Variants in CALN1 observed in about 807,000 individuals in gnomAD.
CALN1 encodes calcium-binding protein 8.
In CALN1, 17 loss-of-function variants were observed where a neutral mutation model predicts 30.6. The observed-to-expected ratio is 0.56, with a 90% confidence interval of 0.38 to 0.83. CALN1 has a LOEUF of 0.83. Among genes scored for constraint, CALN1 ranks in the 40% least tolerant of loss-of-function variants. The pLI is 0.00. For missense variants in CALN1, 291 were observed against 354.9 expected (o/e 0.82, Z 1.45); for synonymous variants, 156 against 131.4 (o/e 1.19, Z -1.28).
chr7:72,180,331 C>T (rs146683984), intron 3 of CALN1, among the ~76,000 whole-genome samples: 25 of 152,286 alleles, frequency 1.6e-4, no homozygotes, highest in African/African-American at 6.0e-4. Context: ...TGACAACTAG[C>T]AGGTTCAGGG....
intron 6 of CALN1, among the ~76,000 whole-genome samples, chr7:71,808,759 T>C (rs535077199): frequency 1.8e-4 from 28 of 152,216 alleles, no homozygotes; most frequent in African/African-American, 6.7e-4. Context: ...TCTCCACCCA[T>C]CTCAAGAGTG....
chr7:72,386,440 T>C (rs952613231), intron 2 of CALN1, among the ~76,000 whole-genome samples: 4 of 152,200 alleles, frequency 2.6e-5, no homozygotes, highest in African/African-American at 9.7e-5. Context: ...GTTGATAAGG[T>C]TGTCTCCTAT....
intron 1 of CALN1, among the ~76,000 whole-genome samples, chr7:72,405,705 A>G (rs1432269892): frequency 1.3e-5 from 2 of 149,216 alleles, no homozygotes; most frequent in Non-Finnish European, 2.9e-5. Context: ...GTGTGTCATT[A>G]CAGTAGAAAC....
chr7:72,227,178 T>C (rs948902192), intron 3 of CALN1, among the ~76,000 whole-genome samples: 1 of 150,926 alleles, frequency 6.6e-6, no homozygotes, highest in Non-Finnish European at 1.5e-5. Flanking sequence ...TTCAGCATCA[T>C]GCAATATACC....
upstream of CALN1, among the ~76,000 whole-genome samples, chr7:72,412,666 C>T (rs1370610050): frequency 2.0e-5 from 3 of 152,340 alleles, no homozygotes; most frequent in Non-Finnish European, 4.4e-5. Flanking sequence ...CCCTTGTCCC[C>T]TCACCCTTCC....
intron 3 of CALN1, among the ~76,000 whole-genome samples, chr7:72,214,416 C>A (rs868643676): frequency 1.3e-5 from 2 of 151,892 alleles, no homozygotes; most frequent in Admixed American, 1.3e-4. Context: ...GAGGTGGAGG[C>A]TGCAGTGAGC....
chr7:72,226,639 G>T (rs7780171), intron 3 of CALN1, among the ~76,000 whole-genome samples: 16 of 152,182 alleles, frequency 1.1e-4, no homozygotes, highest in African/African-American at 3.9e-4. Flanking sequence ...ACACTGTAGA[G>T]ATAAGAAAGA....
At chr7:72,210,045 C>A (rs1157109235) in intron 3 of CALN1, among the ~76,000 whole-genome samples, 1 of 152,134 alleles carries the variant, frequency 6.6e-6, no homozygotes, top group African/African-American at 2.4e-5. Context: ...TCTCCCTTCT[C>A]CACCCTTCCA....
chr7:72,489,023 A>AT, the CALN1 span, among the ~76,000 whole-genome samples: 1 of 151,616 alleles, frequency 6.6e-6, no homozygotes, highest in African/African-American at 2.4e-5. Flanking sequence ...ATATGGTAAA[A>AT]TTTTTTTTTC....
chr7:72,477,535 A>T, the CALN1 span, among the ~76,000 whole-genome samples: 8 of 152,104 alleles, frequency 5.3e-5, no homozygotes, highest in Non-Finnish European at 1.2e-4. Context: ...CTCCTACCTC[A>T]GCCTCCTGAG....
intron 4 of CALN1, among the ~76,000 whole-genome samples, chr7:72,025,386 C>T (rs773156332): frequency 1.1e-4 from 16 of 152,178 alleles, no homozygotes; most frequent in Non-Finnish European, 1.5e-4. Flanking sequence ...GCCTATCTCA[C>T]AAGCAAAAGA....
the CALN1 span, among the ~76,000 whole-genome samples, chr7:72,503,219 G>A: frequency 6.6e-6 from 1 of 152,134 alleles, no homozygotes; most frequent in Non-Finnish European, 1.5e-5. Flanking sequence ...AATGGGGGCA[G>A]GGGCTGGGAC....
At chr7:71,962,775 A>G (rs1004185407) in intron 5 of CALN1, among the ~76,000 whole-genome samples, 1 of 152,190 alleles carries the variant, frequency 6.6e-6, no homozygotes, top group African/African-American at 2.4e-5. Context: ...GTCACAGCAA[A>G]TGTGGGTCTT....
At chr7:71,827,273 C>A (rs1194098629) in intron 5 of CALN1, among the ~76,000 whole-genome samples, 1 of 152,166 alleles carries the variant, frequency 6.6e-6, no homozygotes, top group Non-Finnish European at 1.5e-5. Context: ...GGGCTGTCGG[C>A]ATGCCAAGTG....
chr7:72,292,337 A>G (rs550039379), intron 2 of CALN1, among the ~76,000 whole-genome samples: 1 of 151,634 alleles, frequency 6.6e-6, no homozygotes, highest in Non-Finnish European at 1.5e-5. Context: ...GGTGGACAGC[A>G]GAGAGCGCTC....
chr7:71,827,771 T>TAAAAAAAAAAAA (rs1554347602), intron 5 of CALN1, among the ~76,000 whole-genome samples: 5 of 96,838 alleles, frequency 5.2e-5, no homozygotes, highest in Admixed American at 1.5e-4. Flanking sequence ...GACTCCATCT[T>TAAAAAAAAAAAA]AAAAAAATAA....
At chr7:71,941,856 G>A (rs1183377248) in intron 5 of CALN1, among the ~76,000 whole-genome samples, 1 of 152,104 alleles carries the variant, frequency 6.6e-6, no homozygotes, top group African/African-American at 2.4e-5. Flanking sequence ...AGAATGTTTG[G>A]GGATTAGGGA....
the CALN1 span, among the ~76,000 whole-genome samples, chr7:72,494,981 GCTGCAACGC>G: frequency 0.43 from 65,584 of 151,472 alleles, 14,791 homozygotes; most frequent in East Asian, 0.59. Context: ...ACACCTGTAA[GCTGCAACGC>G]CTGCATGACC....
intron 4 of CALN1, among the ~76,000 whole-genome samples, chr7:72,098,946 A>G (rs1563056267): frequency 6.6e-6 from 1 of 152,022 alleles, no homozygotes; most frequent in Non-Finnish European, 1.5e-5. Context: ...ATCCAGGGAG[A>G]TGACTGTTCC....
Sources: allele counts gnomAD v4.1 joint callset (sites outside exome capture counted in the v4.1 genomes callset), GRCh38; gene constraint gnomAD v4.1.1; transcripts MANE v1.5; gene names NCBI Gene and HGNC (gene_info 2026-07-23, HGNC 2026-07-21).